Variants in DCC observed in about 807,000 individuals in gnomAD.
DCC encodes the protein netrin receptor DCC.
Under a neutral mutation model 172.5 loss-of-function variants are expected in DCC, and 58 were observed. The ratio of observed to expected loss-of-function variants is 0.34; its 90% CI spans 0.27 to 0.42. The LOEUF (loss-of-function observed/expected upper bound fraction) is 0.42, where lower values mean the gene tolerates loss of function less well. Among genes scored for constraint, DCC ranks in the 10% least tolerant of loss-of-function variants. DCC has a pLI of 1.00. For synonymous variants in DCC, 709 were observed against 644.5 expected (o/e 1.10, Z -1.52); for missense variants, 1,740 against 1,791.0 (o/e 0.97, Z 0.51).
chr18:52,675,999 A>G (rs1452504864), intron 1 of DCC, among the ~76,000 whole-genome samples: 1 of 152,186 alleles, frequency 6.6e-6, no homozygotes, highest in Non-Finnish European at 1.5e-5. Context: ...TAAAATGAGA[A>G]TAGTCAATAG....
chr18:52,709,343 G>T (rs978539813), intron 1 of DCC, among the ~76,000 whole-genome samples: 1 of 152,058 alleles, frequency 6.6e-6, no homozygotes, highest in African/African-American at 2.4e-5. Flanking sequence ...TAACCATTTG[G>T]CTTTAAACAT....
chr18:52,877,743 C>T (rs1410984419), intron 2 of DCC, among the ~76,000 whole-genome samples: 1 of 151,552 alleles, frequency 6.6e-6, no homozygotes, highest in Admixed American at 6.6e-5. Flanking sequence ...ACGTGTCTTT[C>T]TTTGTCAAAT....
intron 1 of DCC, among the ~76,000 whole-genome samples, chr18:52,373,208 A>G (rs2144303494): frequency 6.6e-6 from 1 of 152,276 alleles, no homozygotes; most frequent in East Asian, 1.9e-4. Context: ...ATGGCCATAC[A>G]GTTTTTTTTC....
In DCC at chr18:52,694,641, C is replaced by G. The variant is rs564439949; in HGVS notation, c.92-57413C>G. 9.5e-4 allele frequency among the ~76,000 whole-genome samples: 145 copies of G among 152,014 alleles called. 2 individuals are homozygous for G. The highest frequency in any genetic ancestry group is 6.8e-3 in the Middle Eastern group (2 of 292). On this transcript the variant is annotated intron_variant, in intron 1 of 28. Transcript: ENST00000442544. Reference sequence around the variant, plus strand: ...TAGGGAGTTGCAGCAGGCTTTGCTGCAGATAAAGGGACCATGGACACCCTG... The same window carrying G: ...TAGGGAGTTGCAGCAGGCTTTGCTGGAGATAAAGGGACCATGGACACCCTG...
Position 52,898,970 on chromosome 18 carries a change from A to G in DCC, c.413-7074A>G, listed in dbSNP as rs546429981. ...TGAGGAAATCCCATTCAAAACGTCTACTGATTTACAATTGAACTGTTTGTG... is the reference window on the plus strand; with the variant it reads ...TGAGGAAATCCCATTCAAAACGTCTGCTGATTTACAATTGAACTGTTTGTG... On this transcript the variant is annotated intron_variant, in intron 2 of 28. Transcript: ENST00000442544. Among the ~76,000 whole-genome samples, 11 of 152,248 alleles carry G rather than the reference A, an allele frequency of 7.2e-5. No individual in the cohort carries two copies. The East Asian group carries it at 1.9e-3, about 27-fold the overall frequency.
intron 1 of DCC, among the ~76,000 whole-genome samples, chr18:52,555,304 A>G (rs207476828): frequency 6.6e-6 from 1 of 152,148 alleles, no homozygotes; most frequent in African/African-American, 2.4e-5. Flanking sequence ...TATCATCCAC[A>G]GTAAAAACTT....
chr18:53,189,069 T>C (rs906995945), intron 9 of DCC, among the ~76,000 whole-genome samples: 4 of 152,196 alleles, frequency 2.6e-5, no homozygotes, highest in African/African-American at 9.6e-5. Context: ...CTGTGAATCT[T>C]AGTAAGAATT....
At chr18:53,146,974 T>C (rs1240198097) in intron 7 of DCC, among the ~76,000 whole-genome samples, 1 of 152,232 alleles carries the variant, frequency 6.6e-6, no homozygotes, top group Non-Finnish European at 1.5e-5. Context: ...AGACCCATCT[T>C]TTCTAGAGGA....
chr18:53,313,085 A>C, intron 13 of DCC, among the ~76,000 whole-genome samples: 1 of 150,038 alleles, frequency 6.7e-6, no homozygotes, highest in Non-Finnish European at 1.5e-5. Flanking sequence ...GGAAGGAAAA[A>C]GGAAGGAAGG....
chr18:52,866,087 G>T (rs2039224489), intron 2 of DCC, among the ~76,000 whole-genome samples: 1 of 152,078 alleles, frequency 6.6e-6, no homozygotes, highest in Non-Finnish European at 1.5e-5. Flanking sequence ...TAAGGAAGGG[G>T]TCCAGTTTCA....
At chr18:52,744,685 C>G (rs1375914574) in intron 1 of DCC, among the ~76,000 whole-genome samples, 3 of 152,152 alleles carry the variant, frequency 2.0e-5, no homozygotes, top group Non-Finnish European at 2.9e-5. Flanking sequence ...CACTTTCTCT[C>G]TCTGGTCTAG....
intron 2 of DCC, among the ~76,000 whole-genome samples, chr18:52,866,207 G>T (rs775921463): frequency 2.0e-5 from 3 of 152,128 alleles, no homozygotes; most frequent in African/African-American, 7.2e-5. Context: ...GGTTGTAGAT[G>T]TGTGGTGTTA....
intron 2 of DCC, among the ~76,000 whole-genome samples, chr18:52,847,502 A>G (rs1858546785): frequency 6.6e-6 from 1 of 152,200 alleles, no homozygotes; most frequent in Non-Finnish European, 1.5e-5. Flanking sequence ...ATAATGATGC[A>G]TTAAGTTACT....
At chr18:53,003,900 C>A (rs1349964069) in intron 5 of DCC, among the ~76,000 whole-genome samples, 2 of 152,134 alleles carry the variant, frequency 1.3e-5, no homozygotes, top group East Asian at 3.9e-4. Context: ...TTGTGACAGT[C>A]AAAGGTCTAC....
chr18:52,554,522 C>T (rs1479535968), intron 1 of DCC, among the ~76,000 whole-genome samples: 1 of 152,048 alleles, frequency 6.6e-6, no homozygotes, highest in Non-Finnish European at 1.5e-5. Context: ...AGATCAGTGA[C>T]AGATCAGAAA....
intron 27 of DCC, among the ~76,000 whole-genome samples, chr18:53,521,209 CCAT>C (rs1480866566): frequency 6.6e-5 from 10 of 152,130 alleles, no homozygotes; most frequent in Non-Finnish European, 1.0e-4. Flanking sequence ...GTGAGGCTCA[CCAT>C]GTCTTGTACA....
intron 5 of DCC, among the ~76,000 whole-genome samples, chr18:53,053,056 G>C (rs1428493436): frequency 6.6e-6 from 1 of 151,996 alleles, no homozygotes; most frequent in Non-Finnish European, 1.5e-5. Context: ...GGCAGGAGAA[G>C]CACTTGAACC....
At chr18:52,443,005 ATT>A (rs112940815) in intron 1 of DCC, among the ~76,000 whole-genome samples, 3 of 145,428 alleles carry the variant, frequency 2.1e-5, no homozygotes, top group African/African-American at 2.5e-5. Context: ...CTTTCTTTCT[ATT>A]TTTTTTTTTT....
rs184251331 is a variant in DCC, at chr18:53,127,899, T to C, written c.1262-29457T>C. ...TATGGCACCAAATTATTTTTGTTTC[T>C]ATATGTTTCTTCTTAAAATCGATCA... On this transcript the variant is annotated intron_variant, in intron 7 of 28. Transcript: ENST00000442544. 2.1e-3 allele frequency among the ~76,000 whole-genome samples: 323 copies of C among 152,298 alleles called. 1 individual carries two copies. Among genetic ancestry groups the C allele is most frequent in the Non-Finnish European group, 3.5e-3 (240 of 68,020 alleles).
Sources: allele counts gnomAD v4.1 joint callset (sites outside exome capture counted in the v4.1 genomes callset), GRCh38; gene constraint gnomAD v4.1.1; transcripts MANE v1.5; gene names NCBI Gene and HGNC (gene_info 2026-07-23, HGNC 2026-07-21).